The following FANCC variants were observed in gnomAD, a reference collection of about 807,000 sequenced individuals.
FANCC encodes FA complementation group C, also known as Fanconi anemia group C protein.
Under a neutral mutation model 71.3 loss-of-function variants are expected in FANCC, and 55 were observed. The observed-to-expected ratio is 0.77, with a 90% CI of 0.62 to 0.97. The LOEUF is 0.97. Among genes scored for constraint, FANCC ranks in the 50% least tolerant of loss-of-function variants. The pLI is 0.00. For missense variants in FANCC, 678 were observed against 670.9 expected, an observed-to-expected ratio of 1.01 and a Z score of -0.12; for synonymous variants, 275 against 244.9, an observed-to-expected ratio of 1.12 and a Z score of -1.15.
intron 7 of FANCC, among the ~76,000 whole-genome samples, chr9:95,143,288 G>C (rs1354984042): frequency 6.6e-6 from 1 of 152,176 alleles, no homozygotes; most frequent in Non-Finnish European, 1.5e-5. Flanking sequence ...CAATCTGGAA[G>C]CTATTTGAAC....
At chr9:95,229,692 T>C (rs1829867563) in intron 4 of FANCC, among the ~76,000 whole-genome samples, 1 of 151,956 alleles carries the variant, frequency 6.6e-6, no homozygotes, top group African/African-American at 2.4e-5. Flanking sequence ...CACAGGCAGC[T>C]GAAAATGTGG....
At chr9:95,161,035 T>C (rs2135515335) in intron 6 of FANCC, among the ~76,000 whole-genome samples, 1 of 152,226 alleles carries the variant, frequency 6.6e-6, no homozygotes, top group South Asian at 2.1e-4. Flanking sequence ...ACCCATGAAT[T>C]CTGAGAAAAG....
At chr9:95,289,133 T>G (rs1325740976) in intron 1 of FANCC, among the ~76,000 whole-genome samples, 2 of 152,188 alleles carry the variant, frequency 1.3e-5, no homozygotes, top group Admixed American at 6.5e-5. Context: ...GAGTATCATT[T>G]CAATCTACTA....
At chr9:95,209,278 C>A (rs538158703) in intron 4 of FANCC, among the ~76,000 whole-genome samples, 1 of 152,124 alleles carries the variant, frequency 6.6e-6, no homozygotes, top group African/African-American at 2.4e-5. Context: ...AGTGAAACTA[C>A]GCTGTATGAT....
rs146744670 is a variant in FANCC at position 95,293,636 on chromosome 9, C to A, written c.-79+23890G>T. ...TTATACCTTCTGCACAGTGGGCCAC[C>A]GCTGATTCCTCTGTGTCGTCTTGTT... On this transcript the variant is annotated intron_variant, in intron 1 of 14. Transcript: ENST00000289081. 44 of 1,614,168 alleles carry A rather than the reference C, an allele frequency of 2.7e-5. No homozygotes were observed. The African/African-American group carries it at 5.5e-4, about 20-fold the overall frequency.
intron 6 of FANCC, among the ~76,000 whole-genome samples, chr9:95,151,465 A>G (rs898446104): frequency 1.3e-5 from 2 of 152,194 alleles, no homozygotes; most frequent in Non-Finnish European, 2.9e-5. Flanking sequence ...GCTGTTCCTC[A>G]TTCTTAAAAA....
At chr9:95,142,277 G>A (rs1278437891) in intron 7 of FANCC, among the ~76,000 whole-genome samples, 6 of 152,012 alleles carry the variant, frequency 3.9e-5, no homozygotes, top group Non-Finnish European at 8.8e-5. Flanking sequence ...ACAGGTGTGA[G>A]CCACCGTGCC....
intron 1 of FANCC, chr9:95,292,373 C>T: frequency 9.8e-7 from 1 of 1,016,474 alleles, no homozygotes; most frequent in Non-Finnish European, 1.2e-6. Flanking sequence ...CGGCGGGGTC[C>T]ACGGCTCTGG....
Position 95,138,020 on chromosome 9 carries a change from G to A in FANCC, c.687-2518C>T, listed in dbSNP as rs78462767. 2.9e-3 allele frequency among the ~76,000 whole-genome samples: 435 copies of A among 152,396 alleles called. 9 individuals are homozygous for A. The South Asian group carries it at 0.043, about 15-fold the overall frequency. ...GGGCCTAGTGTGCTCCTGAAAGGCTGCCAACGGGCAAGGCGCAGAGGAGTG... is the reference window on the plus strand; with the variant it reads ...GGGCCTAGTGTGCTCCTGAAAGGCTACCAACGGGCAAGGCGCAGAGGAGTG... On this transcript the variant is annotated intron_variant, in intron 7 of 14. Coordinates refer to ENST00000289081, the MANE Select transcript of FANCC (RefSeq NM_000136.3).
intron 4 of FANCC, among the ~76,000 whole-genome samples, chr9:95,194,634 AT>A (rs375156180): frequency 6.9e-5 from 10 of 145,952 alleles, no homozygotes; most frequent in African/African-American, 1.0e-4. Flanking sequence ...TTTATTTGCC[AT>A]TTTTTTTTTG....
At chr9:95,167,888 CTT>C (rs1825407395) in intron 6 of FANCC, among the ~76,000 whole-genome samples, 2 of 152,058 alleles carry the variant, frequency 1.3e-5, no homozygotes, top group Non-Finnish European at 1.5e-5. Flanking sequence ...TACTTTGTGT[CTT>C]GTTATTTTTG....
chr9:95,308,048 A>G (rs1222563721), intron 1 of FANCC, among the ~76,000 whole-genome samples: 1 of 152,238 alleles, frequency 6.6e-6, no homozygotes, highest in Non-Finnish European at 1.5e-5. Flanking sequence ...TACATCAGTA[A>G]TACCTTAGAA....
intron 9 of FANCC, among the ~76,000 whole-genome samples, chr9:95,126,293 A>G (rs1400852715): frequency 1.3e-5 from 2 of 152,228 alleles, no homozygotes; most frequent in Admixed American, 6.5e-5. Context: ...TATTATTAGA[A>G]TCTTAAAAGG....
At chr9:95,156,207 T>C (rs993163706) in intron 6 of FANCC, among the ~76,000 whole-genome samples, 10 of 152,222 alleles carry the variant, frequency 6.6e-5, no homozygotes, top group African/African-American at 2.4e-4. Flanking sequence ...AGGATGTCCA[T>C]GCTGGCATCC....
intron 1 of FANCC, among the ~76,000 whole-genome samples, chr9:95,311,709 C>CTGTGTG (rs56187288): frequency 0.09 from 13,060 of 144,444 alleles, 825 homozygotes; most frequent in African/African-American, 0.17. Context: ...TCCTCTGAAT[C>CTGTGTG]TGTGTGTGTG....
chr9:95,105,787 G>A (rs1231073839), intron 14 of FANCC, among the ~76,000 whole-genome samples: 2 of 152,232 alleles, frequency 1.3e-5, no homozygotes, highest in South Asian at 2.1e-4. Context: ...GTTCATTCAT[G>A]TTGTAGCACT....
intron 6 of FANCC, among the ~76,000 whole-genome samples, chr9:95,158,830 G>T (rs1257386071): frequency 1.3e-5 from 2 of 152,200 alleles, no homozygotes; most frequent in Non-Finnish European, 2.9e-5. Flanking sequence ...ACTTTGAGTA[G>T]CTCTGGTGTA....
chr9:95,146,389 G>A (rs609324), intron 7 of FANCC, among the ~76,000 whole-genome samples: 29,320 of 149,610 alleles, frequency 0.2, 2,982 homozygotes, highest in Middle Eastern at 0.3. Context: ...TCAGGAGGCT[G>A]AGGTGGGAGG....
chr9:95,223,642 G>A (rs1308142341), intron 4 of FANCC, among the ~76,000 whole-genome samples: 4 of 152,080 alleles, frequency 2.6e-5, no homozygotes, highest in Admixed American at 2.0e-4. Flanking sequence ...ATAATGAATA[G>A]GTGAGGTTCT....
Sources: gnomAD v4.1 joint callset for allele counts (sites outside exome capture counted in the v4.1 genomes callset) on GRCh38, gnomAD v4.1.1 for gene constraint, MANE v1.5 for transcripts, NCBI Gene and HGNC (gene_info 2026-07-23, HGNC 2026-07-21) for gene names.